MTMR14: variants seen among roughly 807,000 people sequenced by gnomAD.
MTMR14 encodes phosphatidylinositol-3,5-bisphosphate 3-phosphatase MTMR14.
In MTMR14, 48 loss-of-function variants were observed where a neutral mutation model predicts 86.3. That is an observed-to-expected ratio of 0.56 (90% CI 0.44 to 0.71). The LOEUF (loss-of-function observed/expected upper bound fraction) is 0.71. Among genes scored for constraint, MTMR14 ranks in the 30% least tolerant of loss-of-function variants. MTMR14 has a pLI of 0.00. For missense variants in MTMR14, 780 were observed against 834.6 expected (o/e 0.93, Z 0.81); for synonymous variants, 366 against 326.1 (o/e 1.12, Z -1.32).
chr3:9,666,575 T>C (rs988258555), intron 3 of MTMR14, among the ~76,000 whole-genome samples: 1 of 152,230 alleles, frequency 6.6e-6, no homozygotes, highest in African/African-American at 2.4e-5. Flanking sequence ...TATGATGGGT[T>C]AAGTAAAGTA....
chr3:9,677,281 G>C lies in MTMR14; in HGVS notation c.752-36G>C. On this transcript the variant is annotated intron_variant, in intron 7 of 18. Transcript: ENST00000296003. The surrounding 1 kb of genome is among the most constrained non-coding windows in gnomAD (Gnocchi z 4.2). Reference sequence around the variant, plus strand: ...GCTGTCTCAGAAGACTTTGGGCTGGGAAGGGAGATGTCATAACTCTGCCCT... The same window carrying C: ...GCTGTCTCAGAAGACTTTGGGCTGGCAAGGGAGATGTCATAACTCTGCCCT... 6.2e-7 allele frequency: 1 copy of C among 1,603,050 alleles called. No individual in the cohort carries two copies. Among genetic ancestry groups the C allele is most frequent in the Non-Finnish European group, 8.5e-7 (1 of 1,170,100 alleles).
intron 4 of MTMR14, 26 bp from the exon 5 acceptor site, chr3:9,669,406 T>C: frequency 6.2e-7 from 1 of 1,613,122 alleles, no homozygotes; most frequent in Non-Finnish European, 8.5e-7. Flanking sequence ...CCAGCCTCAG[T>C]ACTGACAGAT....
At chr3:9,658,714 G>A (rs191691564) in intron 2 of MTMR14, among the ~76,000 whole-genome samples, 1 of 152,322 alleles carries the variant, frequency 6.6e-6, no homozygotes, top group Admixed American at 6.5e-5. Context: ...GACTGAGTGA[G>A]ATAATGTGGG....
chr3:9,651,918 G>A (rs533006043), intron 1 of MTMR14, among the ~76,000 whole-genome samples: 2 of 150,128 alleles, frequency 1.3e-5, no homozygotes, highest in East Asian at 3.9e-4. Flanking sequence ...TGCAACCTCC[G>A]CCTCCTGGGT....
chr3:9,667,427 A>G (rs2048316229), intron 3 of MTMR14, among the ~76,000 whole-genome samples: 2 of 152,108 alleles, frequency 1.3e-5, no homozygotes, highest in Non-Finnish European at 2.9e-5. Context: ...TAAGTAGATT[A>G]TGATGTGTAC....
chr3:9,669,237 G>A (rs2048434982), intron 4 of MTMR14, among the ~76,000 whole-genome samples, 195 bp from the exon 5 acceptor site: 1 of 152,102 alleles, frequency 6.6e-6, no homozygotes, highest in Non-Finnish European at 1.5e-5. Flanking sequence ...CTTTGATCAG[G>A]GACCAGGAGA....
chr3:9,658,317 G>A (rs1007324932), intron 2 of MTMR14, among the ~76,000 whole-genome samples: 2 of 152,206 alleles, frequency 1.3e-5, no homozygotes, highest in Non-Finnish European at 2.9e-5. Context: ...TTTTGGTCCT[G>A]TTAAGGAACC....
chr3:9,684,483 T>C, intron 10 of MTMR14, 102 bp from the exon 11 acceptor site: 1 of 1,068,796 alleles, frequency 9.4e-7, no homozygotes, highest in Non-Finnish European at 1.5e-6. Context: ...CAGAAGCTGG[T>C]GGGGCCTGGC....
At position 9,677,504 on chromosome 3, in the gene MTMR14, C is replaced by G; in HGVS notation, c.822+117C>G. On this transcript the variant is annotated intron_variant, in intron 8 of 18. Transcript: ENST00000296003. This position sits in a 1 kb window ranked among gnomAD's most constrained non-coding sequence, Gnocchi z 4.2. ...AGCAGTCTTTGGGGAAAATAACTCC[C>G]CTTTCCTCCCTGATTGTTTCTGTCT... is the stretch of plus-strand genomic sequence containing the variant. 1 of 838,788 alleles carries G rather than the reference C, an allele frequency of 1.2e-6. No individual in the cohort carries two copies. The highest frequency in any genetic ancestry group is 2.0e-6 in the Non-Finnish European group (1 of 490,296). 52.0% of individuals were successfully genotyped at this position (838,788 alleles called of 1,614,324 possible). A position where few individuals can be genotyped will look rare whatever the true frequency, so the allele number is the denominator to read the frequency against.
chr3:9,681,055 T>G (rs555195523), intron 9 of MTMR14, among the ~76,000 whole-genome samples: 1 of 152,332 alleles, frequency 6.6e-6, no homozygotes, highest in African/African-American at 2.4e-5. Flanking sequence ...GTTGCACACC[T>G]GCAGTGGTTA....
At chr3:9,680,673 A>G (rs567684405) in intron 9 of MTMR14, among the ~76,000 whole-genome samples, 24 of 152,168 alleles carry the variant, frequency 1.6e-4, no homozygotes, top group East Asian at 1.2e-3. Flanking sequence ...GTGAAACCCA[A>G]TCTCTACTAA....
intron 1 of MTMR14, among the ~76,000 whole-genome samples, chr3:9,651,087 CTTTT>C (rs1027896886): frequency 8.6e-5 from 13 of 151,930 alleles, no homozygotes; most frequent in Non-Finnish European, 1.9e-4. Context: ...CCGCGCCTGG[CTTTT>C]TTGTTTGTTT....
intron 1 of MTMR14, among the ~76,000 whole-genome samples, chr3:9,651,340 C>G (rs1343599553): frequency 6.6e-6 from 1 of 151,416 alleles, no homozygotes; most frequent in Non-Finnish European, 1.5e-5. Flanking sequence ...TAAGCTCAAG[C>G]AATCCTCCCA....
chr3:9,691,683 T>A (rs558514021), intron 17 of MTMR14, among the ~76,000 whole-genome samples: 64 of 152,250 alleles, frequency 4.2e-4, no homozygotes, highest in African/African-American at 1.4e-3. Flanking sequence ...TGTGATAGTG[T>A]CCCTCAGTCT....
chr3:9,680,694 G>A (rs574692349), intron 9 of MTMR14, among the ~76,000 whole-genome samples: 16 of 152,292 alleles, frequency 1.1e-4, no homozygotes, highest in East Asian at 1.9e-4. Flanking sequence ...AAAATTAGCC[G>A]GGCGTGGTGG....
At chr3:9,649,775 C>T (rs1262099501) in intron 1 of MTMR14, 33 bp downstream of exon 1, 3 of 1,611,574 alleles carry the variant, frequency 1.9e-6, no homozygotes, top group South Asian at 1.1e-5. Context: ...CTGGGGAAGG[C>T]TCCTAACTTG....
chr3:9,664,028 A>G (rs1185792587), intron 3 of MTMR14, among the ~76,000 whole-genome samples: 1 of 150,996 alleles, frequency 6.6e-6, no homozygotes, highest in East Asian at 1.9e-4. Context: ...ACCTCAGGTA[A>G]TCCGCCCGCC....
intron 3 of MTMR14, among the ~76,000 whole-genome samples, chr3:9,663,914 G>A (rs897597846): frequency 6.6e-5 from 10 of 151,746 alleles, no homozygotes; most frequent in Admixed American, 2.0e-4. Flanking sequence ...TCAGCCTCCC[G>A]AGTAGCTGGG....
chr3:9,663,137 C>T (rs990333699), intron 3 of MTMR14, among the ~76,000 whole-genome samples: 3 of 152,042 alleles, frequency 2.0e-5, no homozygotes, highest in Admixed American at 6.6e-5. Flanking sequence ...CAAGTAGCAA[C>T]GGTGCGAAAA....
Sources: gnomAD v4.1 joint callset for allele counts (sites outside exome capture counted in the v4.1 genomes callset) on GRCh38, gnomAD v4.1.1 for gene constraint, Gnocchi (gnomAD v3.1) non-coding constraint, MANE v1.5 for transcripts, NCBI Gene and HGNC (gene_info 2026-07-23, HGNC 2026-07-21) for gene names.